The following LINGO2 variants were observed in gnomAD, a reference collection of about 807,000 sequenced individuals.
The protein encoded by LINGO2 is leucine rich repeat and Ig domain containing 2, also known as leucine-rich repeat and immunoglobulin-like domain-containing nogo receptor-interacting protein 2.
Under a neutral mutation model 30.6 loss-of-function variants are expected in LINGO2, and 14 were observed. The observed-to-expected ratio is 0.46, with a 90% CI of 0.30 to 0.72. The LOEUF (loss-of-function observed/expected upper bound fraction) is 0.72, where lower values mean the gene tolerates loss of function less well. LINGO2 is among the 30% of genes least tolerant of loss of function. LINGO2 has a pLI of 0.07. For synonymous variants in LINGO2, 317 were observed against 288.5 expected, an observed-to-expected ratio of 1.10 and a Z score of -1.00; for missense variants, 729 against 751.7, an observed-to-expected ratio of 0.97 and a Z score of 0.35.
At chr9:28,848,397 GTATA>G in the LINGO2 span, among the ~76,000 whole-genome samples, 904 of 48,304 alleles carry the variant, frequency 0.019, 5 homozygotes, top group Non-Finnish European at 0.022. Flanking sequence ...GTGTGTGTGT[GTATA>G]TATATATATA....
At chr9:28,450,667 A>T (rs191348303) in intron 2 of LINGO2, among the ~76,000 whole-genome samples, 1 of 152,148 alleles carries the variant, frequency 6.6e-6, no homozygotes, top group Admixed American at 6.6e-5. Context: ...TAACCCAAGA[A>T]CATTGTTTCT....
chr9:28,670,194 A>G lies in LINGO2; in HGVS notation c.-365+6T>C, dbSNP rs1828958477. The G allele has an allele frequency of 6.6e-6, 1 of 152,208 alleles. No homozygotes were observed. Among genetic ancestry groups the G allele is most frequent in the African/African-American group, 2.4e-5 (1 of 41,566 alleles). The allele number at this position is 152,208 out of a possible 1,614,324, so 9.4% of individuals were successfully genotyped here. On this transcript the variant is annotated splice_donor_region_variant and intron_variant, in intron 1 of 5. Coordinates refer to ENST00000379992, the Ensembl canonical transcript of LINGO2. ...AAAATACAATTGAAATAAATTTGGC[A>G]TTTACCTCATGTGATTAAAAATCCA...
intron 2 of LINGO2, among the ~76,000 whole-genome samples, chr9:28,414,612 T>A (rs184351693): frequency 4.1e-4 from 63 of 152,198 alleles, no homozygotes; most frequent in African/African-American, 1.3e-3. Flanking sequence ...TCCCCGAAAC[T>A]AATAACATGC....
At chr9:28,883,187 TATTTATTTATTCATTC>T in the LINGO2 span, among the ~76,000 whole-genome samples, 1 of 152,132 alleles carries the variant, frequency 6.6e-6, no homozygotes, top group East Asian at 1.9e-4. Flanking sequence ...TTCTTTAATT[TATTTATTTATTCATTC>T]ATTTATTTAG....
chr9:28,627,942 C>T (rs950690637), intron 1 of LINGO2, among the ~76,000 whole-genome samples: 39 of 152,084 alleles, frequency 2.6e-4, no homozygotes, highest in African/African-American at 8.9e-4. Flanking sequence ...TTTTATATAA[C>T]TATGGCAGAA....
the LINGO2 span, among the ~76,000 whole-genome samples, chr9:28,742,281 T>TA: frequency 4.1e-3 from 601 of 146,800 alleles, 9 homozygotes; most frequent in Middle Eastern, 7.1e-3. Context: ...TTTTTTTTTT[T>TA]AATTTCTGCA....
the LINGO2 span, among the ~76,000 whole-genome samples, chr9:28,871,101 T>A: frequency 6.6e-6 from 1 of 151,800 alleles, no homozygotes; most frequent in African/African-American, 2.4e-5. Flanking sequence ...TTTTAATGAA[T>A]TAAAAGTGGG....
chr9:28,912,078 T>G, the LINGO2 span, among the ~76,000 whole-genome samples: 1 of 152,032 alleles, frequency 6.6e-6, no homozygotes, highest in Non-Finnish European at 1.5e-5. Context: ...TAAGGCAACC[T>G]GCCATCGGCC....
At chr9:28,174,916 G>GTT (rs1828702981) in intron 4 of LINGO2, among the ~76,000 whole-genome samples, 1 of 140,768 alleles carries the variant, frequency 7.1e-6, no homozygotes, top group Non-Finnish European at 1.6e-5. Flanking sequence ...GTGTGTGTGT[G>GTT]TGTGTGAGAG....
chr9:28,264,603 G>C (rs1822680862), intron 4 of LINGO2, among the ~76,000 whole-genome samples: 1 of 151,862 alleles, frequency 6.6e-6, no homozygotes, highest in Admixed American at 6.6e-5. Context: ...TCACACTGAA[G>C]TTAGGCAACA....
At chr9:28,658,566 AT>A (rs1354311133) in intron 1 of LINGO2, among the ~76,000 whole-genome samples, 1 of 152,006 alleles carries the variant, frequency 6.6e-6, no homozygotes, top group Non-Finnish European at 1.5e-5. Flanking sequence ...TGTTTGTTCT[AT>A]TTCAACTACT....
chr9:28,549,835 T>C lies in LINGO2; in HGVS notation c.-364-73810A>G, dbSNP rs1191562426. ...ATTCATCCATTTTGTTTTTTATTTT[T>C]TTCTCATACTCTTTAATAGTTCTCG... On this transcript the variant is annotated intron_variant, in intron 1 of 5. Coordinates refer to ENST00000379992, the Ensembl canonical transcript of LINGO2. Among the ~76,000 whole-genome samples the C allele has an allele frequency of 2.6e-5, 4 of 151,990 alleles. No individual in the cohort carries two copies. In the East Asian group the frequency reaches 7.7e-4, roughly 29 times the overall value.
intron 4 of LINGO2, among the ~76,000 whole-genome samples, chr9:28,154,305 A>G (rs1828076841): frequency 6.6e-6 from 1 of 152,192 alleles, no homozygotes; most frequent in African/African-American, 2.4e-5. Context: ...GGGTCATAAT[A>G]TTAAGACGTT....
At chr9:28,657,849 A>C (rs1008357225) in intron 1 of LINGO2, among the ~76,000 whole-genome samples, 1 of 151,088 alleles carries the variant, frequency 6.6e-6, no homozygotes, top group Non-Finnish European at 1.5e-5. Flanking sequence ...TAGATGGTTG[A>C]TTTGAGATAT....
At chr9:28,766,315 C>T in the LINGO2 span, among the ~76,000 whole-genome samples, 3 of 151,474 alleles carry the variant, frequency 2.0e-5, no homozygotes, top group African/African-American at 7.3e-5. Flanking sequence ...CCAAAGAAGA[C>T]GTAAAACTGG....
chr9:28,348,318 A>T (rs989028068), intron 3 of LINGO2, among the ~76,000 whole-genome samples: 5 of 152,180 alleles, frequency 3.3e-5, no homozygotes, highest in Non-Finnish European at 7.3e-5. Context: ...AAGCAGGGCG[A>T]GGCATTGCCT....
the LINGO2 span, among the ~76,000 whole-genome samples, chr9:29,052,810 T>G: frequency 1.3e-5 from 2 of 152,100 alleles, no homozygotes; most frequent in African/African-American, 4.8e-5. Flanking sequence ...ATATTTACAT[T>G]AGCTGGTATC....
chr9:28,630,851 T>A (rs1826903895), intron 1 of LINGO2, among the ~76,000 whole-genome samples: 1 of 149,942 alleles, frequency 6.7e-6, no homozygotes. Context: ...ACCCTCAGAA[T>A]CAAAACAGCC....
At chr9:28,320,524 A>G (rs758825546) in intron 3 of LINGO2, among the ~76,000 whole-genome samples, 1 of 152,150 alleles carries the variant, frequency 6.6e-6, no homozygotes, top group Non-Finnish European at 1.5e-5. Context: ...ATATGGCATT[A>G]GACTTACTTA....
Sources: allele counts gnomAD v4.1 joint callset (sites outside exome capture counted in the v4.1 genomes callset), GRCh38; gene constraint gnomAD v4.1.1; transcripts MANE v1.5; gene names NCBI Gene and HGNC (gene_info 2026-07-23, HGNC 2026-07-21).